RPH3AL: variants seen among roughly 807,000 people sequenced by gnomAD.
The protein encoded by RPH3AL is rabphilin 3A like (without C2 domains).
A neutral mutation model predicts 43.1 loss-of-function variants in RPH3AL; 38 were observed. The observed-to-expected ratio is 0.88, with a 90% CI of 0.68 to 1.15. The LOEUF is 1.15. Among genes scored for constraint, RPH3AL ranks in the 50% most tolerant of loss-of-function variants. The probability of loss-of-function intolerance (pLI) is 0.00; values close to 1 mark genes in which losing one functional copy is unlikely to be tolerated. For missense variants in RPH3AL, 462 were observed against 423.2 expected, an observed-to-expected ratio of 1.09 and a Z score of -0.81; for synonymous variants, 189 against 176.3, an observed-to-expected ratio of 1.07 and a Z score of -0.57.
rs1358129889 is a variant in RPH3AL, at chr17:318,680, G to C, written c.351+740C>G. ...AGGCATATTATTCTCCCAGAAATAA[G>C]AAAACGAAAGGCAAGTCGAAACTCC... On this transcript the variant is annotated intron_variant, in intron 5 of 9. Transcript: ENST00000331302. Among the ~76,000 whole-genome samples the C allele has an allele frequency of 2.6e-5, 4 of 152,148 alleles. No homozygotes were observed. In the South Asian group the frequency reaches 8.3e-4, roughly 32 times the overall value.
intron 5 of RPH3AL, among the ~76,000 whole-genome samples, chr17:317,797 A>G (rs1397545415): frequency 1.3e-5 from 2 of 152,188 alleles, no homozygotes; most frequent in Non-Finnish European, 2.9e-5. Flanking sequence ...CAGCTTTTGA[A>G]TGCCCCTGAA....
intron 6 of RPH3AL, among the ~76,000 whole-genome samples, chr17:267,717 T>G (rs1163387844): frequency 6.6e-6 from 1 of 152,238 alleles, no homozygotes; most frequent in Non-Finnish European, 1.5e-5. Flanking sequence ...CATTGCTTCC[T>G]CTGTCTTCCA....
chr17:350,832 G>C (rs2045339827), intron 1 of RPH3AL, among the ~76,000 whole-genome samples: 1 of 152,184 alleles, frequency 6.6e-6, no homozygotes, highest in Non-Finnish European at 1.5e-5. Flanking sequence ...GGCCATCTGG[G>C]CCAAACCATA....
chr17:260,513 C>G (rs1379721638), intron 6 of RPH3AL, among the ~76,000 whole-genome samples: 3 of 152,194 alleles, frequency 2.0e-5, no homozygotes, highest in African/African-American at 7.2e-5. Flanking sequence ...GAGGGGAGAC[C>G]TCGCCTTCAA....
intron 1 of RPH3AL, chr17:336,172 G>T (rs909928453): frequency 1.3e-5 from 2 of 152,196 alleles, no homozygotes; most frequent in Non-Finnish European, 2.9e-5. Flanking sequence ...TATCCGAGGG[G>T]ACCCTTAGCA....
chr17:304,370 G>A (rs1322499044), intron 5 of RPH3AL, among the ~76,000 whole-genome samples: 1 of 151,996 alleles, frequency 6.6e-6, no homozygotes, highest in Non-Finnish European at 1.5e-5. Context: ...AGGACGCAGG[G>A]AGGCAGAATC....
chr17:319,301 G>A, intron 5 of RPH3AL, 119 bp downstream of exon 5: 1 of 1,231,824 alleles, frequency 8.1e-7, no homozygotes, highest in Non-Finnish European at 1.1e-6. Flanking sequence ...AAGATGCAGA[G>A]GATACCACAT....
In RPH3AL at chr17:310,652, C is replaced by A. The variant is rs568229542; in HGVS notation, c.351+8768G>T. On this transcript the variant is annotated intron_variant, in intron 5 of 9. Transcript: ENST00000331302. ...ACACCGTGTTAGAGCCCTTCCAGCC[C>A]CCCAGGGCTGCCGCCTTAACCCCAT... Among the ~76,000 whole-genome samples the A allele has an allele frequency of 1.3e-3, 194 of 152,322 alleles. 1 individual carries two copies. The highest frequency in any genetic ancestry group is 4.6e-3 in the African/African-American group (192 of 41,564).
At chr17:317,237 C>A (rs1453912092) in intron 5 of RPH3AL, among the ~76,000 whole-genome samples, 1 of 151,528 alleles carries the variant, frequency 6.6e-6, no homozygotes, top group Non-Finnish European at 1.5e-5. Context: ...TGCCTGTGCT[C>A]CACCTCCATT....
intron 2 of RPH3AL, among the ~76,000 whole-genome samples, chr17:329,521 C>T (rs2044697967): frequency 6.6e-6 from 1 of 152,168 alleles, no homozygotes. Context: ...CTCCAAAATA[C>T]ATGGGCTATG....
intron 5 of RPH3AL, among the ~76,000 whole-genome samples, chr17:317,554 A>G (rs536785463): frequency 6.6e-6 from 1 of 151,688 alleles, no homozygotes; most frequent in Non-Finnish European, 1.5e-5. Context: ...CCCCACCTCC[A>G]CTGACCTGTA....
chr17:264,012 A>G lies in RPH3AL; in HGVS notation c.439-16727T>C, dbSNP rs1358680000. On this transcript the variant is annotated intron_variant, in intron 6 of 9. Transcript: ENST00000331302. The surrounding 1 kb of genome is among the most constrained non-coding windows in gnomAD (Gnocchi z 4.8). ...GGGTATCGTGCTGTTAGCGGACGCG[A>G]TGCTGCTTTCCAAGATGGCTGGGCG... 6.6e-6 allele frequency among the ~76,000 whole-genome samples: 1 copy of G among 152,164 alleles called. No homozygotes were observed. Among genetic ancestry groups the G allele is most frequent in the African/African-American group, 2.4e-5 (1 of 41,432 alleles).
chr17:330,300 C>T (rs1438785219), intron 2 of RPH3AL, among the ~76,000 whole-genome samples: 1 of 152,236 alleles, frequency 6.6e-6, no homozygotes, highest in East Asian at 1.9e-4. Flanking sequence ...CCTGGGCAGC[C>T]CCAGACCCCA....
chr17:273,722 A>G (rs1040693816), intron 6 of RPH3AL, among the ~76,000 whole-genome samples: 8 of 152,258 alleles, frequency 5.3e-5, no homozygotes, highest in Admixed American at 3.9e-4. Context: ...CAATCCACAA[A>G]CTTTTCCCGA....
chr17:316,643 A>AC (rs1223705564), intron 5 of RPH3AL, among the ~76,000 whole-genome samples: 2 of 116,078 alleles, frequency 1.7e-5, no homozygotes, highest in Non-Finnish European at 3.4e-5. Context: ...ACCTCCATTG[A>AC]CCTGCAGTGC....
Position 245,070 on chromosome 17 carries a change from TAA to T in RPH3AL, c.613+2039_613+2040del, listed in dbSNP as rs1555539210. Among the ~76,000 whole-genome samples the T allele has an allele frequency of 1.8e-4, 27 of 147,540 alleles. No homozygotes were observed. Among genetic ancestry groups the T allele is most frequent in the Non-Finnish European group, 3.7e-4 (25 of 67,186 alleles). ...ATGTGTGCATGTGGATGTGTGTGCATAAATGTGCATGCGCAAGTGTGTGTAGA... is the reference window on the plus strand; with the variant it reads ...ATGTGTGCATGTGGATGTGTGTGCATATGTGCATGCGCAAGTGTGTGTAGA... On this transcript the variant is annotated intron_variant, in intron 7 of 9. Coordinates refer to ENST00000331302, the MANE Select transcript of RPH3AL (RefSeq NM_006987.4). The surrounding 1 kb of genome is among the most constrained non-coding windows in gnomAD (Gnocchi z 5.9).
chr17:213,902 C>T lies in RPH3AL; in HGVS notation c.898G>A (p.Ala300Thr). The T allele has an allele frequency of 1.9e-6, 3 of 1,613,430 alleles. No individual in the cohort carries two copies. The highest frequency in any genetic ancestry group is 2.5e-6 in the Non-Finnish European group (3 of 1,179,900). ...RAPVKDTPGR[A>T]PAADAAPAGP... ...GCTGGAGCTGCGTCAGCAGCGGGGGCTCGTCCAGGTGTGTCTTTTACCTTT... is the reference window on the plus strand; with the variant it reads ...GCTGGAGCTGCGTCAGCAGCGGGGGTTCGTCCAGGTGTGTCTTTTACCTTT... The change falls in exon 10 of 10, where the codon GCC becomes ACC. Residue 300 changes from alanine (A) to threonine (T), a missense_variant. Physicochemically the swap from Ala to Thr is moderately conservative, Grantham distance 58. Transcript: ENST00000331302.
At chr17:304,410 A>G (rs2151642354) in intron 5 of RPH3AL, among the ~76,000 whole-genome samples, 1 of 152,226 alleles carries the variant, frequency 6.6e-6, no homozygotes, top group Admixed American at 6.5e-5. Flanking sequence ...ACAGTCCTGT[A>G]AGTTACTTTT....
chr17:281,960 G>T, intron 5 of RPH3AL, 106 bp from the exon 6 acceptor site: 1 of 827,440 alleles, frequency 1.2e-6, no homozygotes, highest in Non-Finnish European at 2.1e-6. Flanking sequence ...TCCAAGGAGC[G>T]TCTCTTGCTT....
Sources: gnomAD v4.1 joint callset for allele counts (sites outside exome capture counted in the v4.1 genomes callset) on GRCh38, gnomAD v4.1.1 for gene constraint, Gnocchi (gnomAD v3.1) non-coding constraint, MANE v1.5 for transcripts, NCBI Gene and HGNC (gene_info 2026-07-23, HGNC 2026-07-21) for gene names.